FBLIM1: variants seen among roughly 807,000 people sequenced by gnomAD.
FBLIM1 encodes the protein filamin-binding LIM protein 1.
In FBLIM1, 29 loss-of-function variants were observed where a neutral mutation model predicts 37.4. The observed-to-expected ratio is 0.77, with a 90% confidence interval of 0.58 to 1.06. FBLIM1 has a LOEUF of 1.06. FBLIM1 is among the 50% of genes least tolerant of loss of function. The probability of loss-of-function intolerance (pLI) is 0.00; values close to 1 mark genes in which losing one functional copy is unlikely to be tolerated. For missense variants in FBLIM1, 449 were observed against 505.6 expected (o/e 0.89, Z 1.07); for synonymous variants, 193 against 199.0 (o/e 0.97, Z 0.25).
intron 6 of FBLIM1, among the ~76,000 whole-genome samples, chr1:15,772,955 T>A (rs1398458287): frequency 6.6e-6 from 1 of 151,988 alleles, no homozygotes; most frequent in Non-Finnish European, 1.5e-5. Context: ...CGGCTATTTT[T>A]TGTATTTTTA....
At chr1:15,782,210 G>A (rs1324957783) in intron 8 of FBLIM1, among the ~76,000 whole-genome samples, 3 of 151,536 alleles carry the variant, frequency 2.0e-5, no homozygotes, top group Non-Finnish European at 2.9e-5. Flanking sequence ...CCAGGAGTTC[G>A]AAGCCAGCCT....
In FBLIM1 at chr1:15,768,605, A is replaced by C. The variant is rs763288094; in HGVS notation, c.516A>C (p.Glu172Asp). The change falls in exon 5 of 9, where the codon GAA becomes GAC. Residue 172 changes from glutamate to aspartate, a missense_variant. Coordinates refer to ENST00000375766, the MANE Select transcript of FBLIM1 (RefSeq NM_017556.4). ...AAGAGCTGCCACCTCCCCCGGCAGA[A>C]CCTGTTGAGAAAGGGGCATCCACAG... ...MEEELPPPPA[E>D]PVEKGASTDI... The C allele has an allele frequency of 2.5e-6, 4 of 1,612,002 alleles. No individual in the cohort carries two copies. The highest frequency in any genetic ancestry group is 3.4e-6 in the Non-Finnish European group (4 of 1,179,476).
chr1:15,770,090 G>C (rs1345581547), intron 5 of FBLIM1, among the ~76,000 whole-genome samples: 1 of 151,798 alleles, frequency 6.6e-6, no homozygotes, highest in East Asian at 1.9e-4. Context: ...GGGACTACGG[G>C]GGCATGCCAC....
chr1:15,768,633 A>C lies in FBLIM1; in HGVS notation c.541+3A>C. The C allele has an allele frequency of 6.2e-7, 1 of 1,607,080 alleles. No homozygotes were observed. On this transcript the variant is annotated splice_donor_region_variant and intron_variant, in intron 5 of 8. Coordinates refer to ENST00000375766, the MANE Select transcript of FBLIM1 (RefSeq NM_017556.4). ...TGTTGAGAAAGGGGCATCCACAGGTAGGTGCACAGGGCTGAGAGGATACTG... is the reference window on the plus strand; with the variant it reads ...TGTTGAGAAAGGGGCATCCACAGGTCGGTGCACAGGGCTGAGAGGATACTG...
At position 15,774,662 on chromosome 1, in the gene FBLIM1, C is replaced by T. The variant is rs571523727; in HGVS notation, c.756C>T (p.Asp252=). 56 of 1,614,078 alleles carry T rather than the reference C, an allele frequency of 3.5e-5. No homozygotes were observed. In the South Asian group the frequency reaches 5.7e-4, roughly 16 times the overall value. The change falls in exon 7 of 9, where the codon GAC becomes GAT. Residue 252 remains aspartate (D), a synonymous_variant. Transcript: ENST00000375766. ...RCGKCGEVVR[D]HIIRALGQAF... ...GCAAGTGTGGCGAGGTGGTCCGGGA[C>T]CACATCATCAGGGCCCTGGGCCAGG...
intron 8 of FBLIM1, among the ~76,000 whole-genome samples, chr1:15,784,179 A>G (rs1331108122): frequency 6.6e-6 from 1 of 152,208 alleles, no homozygotes; most frequent in African/African-American, 2.4e-5. Context: ...AGACTGTCTC[A>G]AAATAAATAA....
chr1:15,783,863 T>G (rs1344347317), intron 8 of FBLIM1, among the ~76,000 whole-genome samples: 1 of 152,096 alleles, frequency 6.6e-6, no homozygotes, highest in East Asian at 1.9e-4. Flanking sequence ...ATTATAGGCG[T>G]GAACCACCGC....
chr1:15,763,630 C>T (rs572601758), intron 1 of FBLIM1, among the ~76,000 whole-genome samples: 19 of 151,606 alleles, frequency 1.3e-4, no homozygotes, highest in African/African-American at 1.9e-4. Flanking sequence ...AGCAAGATTC[C>T]GTCTCAAAAA....
Position 15,768,596 on chromosome 1 carries a change from C to T in FBLIM1, c.507C>T (p.Pro169=), listed in dbSNP as rs771785227. The part of the protein sequence containing the change: ...LRPMEEELPP[P]PAEPVEKGAS... ...CCATGGAGGAAGAGCTGCCACCTCC[C>T]CCGGCAGAACCTGTTGAGAAAGGGG... Residue 169 remains proline, a synonymous_variant, in exon 5 of 9, where the codon CCC becomes CCT. Transcript: ENST00000375766. 1.2e-6 allele frequency: 2 copies of T among 1,612,206 alleles called. No individual in the cohort carries two copies. Among genetic ancestry groups the T allele is most frequent in the East Asian group, 2.2e-5 (1 of 44,654 alleles).
chr1:15,774,832 G>T lies in FBLIM1; in HGVS notation c.890+36G>T, dbSNP rs200361868. 137 of 1,613,952 alleles carry T rather than the reference G, an allele frequency of 8.5e-5. No individual in the cohort carries two copies. The highest frequency in any genetic ancestry group is 8.3e-5 in the Non-Finnish European group (98 of 1,179,874). Reference sequence around the variant, plus strand: ...GGTTTGTGCACTGGGTGGGGTGCAGGGACAGGGCGAGACCCAAGCAGGGTG... The same window carrying T: ...GGTTTGTGCACTGGGTGGGGTGCAGTGACAGGGCGAGACCCAAGCAGGGTG... On this transcript the variant is annotated intron_variant, in intron 7 of 8. Transcript: ENST00000375766.
Position 15,774,684 on chromosome 1 carries a change from C to A in FBLIM1, c.778C>A (p.Gln260Lys), listed in dbSNP as rs151221331. Residue 260 changes from glutamine to lysine, a missense_variant, in exon 7 of 9, where the codon CAG (glutamine) becomes AAG (lysine). Gln to Lys is a moderately conservative substitution (Grantham distance 53). Coordinates refer to ENST00000375766, the MANE Select transcript of FBLIM1 (RefSeq NM_017556.4). ...GGACCACATCATCAGGGCCCTGGGCCAGGCCTTCCACCCCTCCTGCTTCAC... is the reference window on the plus strand; with the variant it reads ...GGACCACATCATCAGGGCCCTGGGCAAGGCCTTCCACCCCTCCTGCTTCAC... ...VRDHIIRALG[Q>K]AFHPSCFTCV... 1.9e-6 allele frequency: 3 copies of A among 1,614,058 alleles called. No individual in the cohort carries two copies. In the African/African-American group the frequency reaches 4.0e-5, roughly 22 times the overall value.
intron 3 of FBLIM1, among the ~76,000 whole-genome samples, chr1:15,766,743 C>A (rs2068942236): frequency 6.6e-6 from 1 of 151,358 alleles, no homozygotes; most frequent in South Asian, 2.1e-4. Context: ...TACAGGCATG[C>A]CCACCACGCC....
chr1:15,786,363 G>T lies in FBLIM1; in HGVS notation c.*1702G>T, dbSNP rs1231277287. On this transcript the variant is annotated 3_prime_UTR_variant, in exon 9 of 9. Coordinates refer to ENST00000375766, the MANE Select transcript of FBLIM1 (RefSeq NM_017556.4). ...CCCAGACCACAGCGTCTTGCCCTGA[G>T]CCTAGAGCAGGGAGTCCCGAACTTC... 1 of 152,180 alleles carries T rather than the reference G, an allele frequency of 6.6e-6. No homozygotes were observed. The highest frequency in any genetic ancestry group is 1.5e-5 in the Non-Finnish European group (1 of 68,062). The allele number at this position is 152,180 out of a possible 1,614,324, so 9.4% of individuals were successfully genotyped here.
intron 6 of FBLIM1, among the ~76,000 whole-genome samples, chr1:15,773,992 G>A (rs557860590): frequency 7.2e-5 from 11 of 152,044 alleles, no homozygotes; most frequent in South Asian, 2.1e-4. Context: ...AAAATTAGCC[G>A]GGCGTGGTGG....
At position 15,765,154 on chromosome 1, in the gene FBLIM1, G is replaced by A. The variant is rs767469745; in HGVS notation, c.171G>A (p.Ala57=). 9.3e-6 allele frequency: 15 copies of A among 1,613,626 alleles called. 1 individual carries two copies. The highest frequency in any genetic ancestry group is 4.4e-5 in the South Asian group (4 of 91,076). Reference sequence around the variant, plus strand: ...TGAAGACACCCGAGGCTGGCTTGGCGGGGAGGCCCAGCCCCTGGACAACCC... The same window carrying A: ...TGAAGACACCCGAGGCTGGCTTGGCAGGGAGGCCCAGCCCCTGGACAACCC... ...APMKTPEAGL[A]GRPSPWTTPG... Residue 57 remains alanine, a synonymous_variant, in exon 3 of 9, where the codon GCG becomes GCA. Coordinates refer to ENST00000375766, the MANE Select transcript of FBLIM1 (RefSeq NM_017556.4). This position sits in a 1 kb window ranked among gnomAD's most constrained non-coding sequence, Gnocchi z 5.9.
In FBLIM1 at chr1:15,782,119, A is replaced by G. The variant is rs563478524; in HGVS notation, c.1009-2429A>G. ...ATGGGATTTATTGTCCCCATTTCAC[A>G]TGGGGAAACTGGTGGGGTGTGGTGG... On this transcript the variant is annotated intron_variant, in intron 8 of 8. Transcript: ENST00000375766. 3.3e-5 allele frequency among the ~76,000 whole-genome samples: 5 copies of G among 151,626 alleles called. No homozygotes were observed. In the East Asian group the frequency reaches 9.8e-4, roughly 30 times the overall value.
intron 8 of FBLIM1, among the ~76,000 whole-genome samples, chr1:15,783,493 T>TCAGCAGATACC (rs1033205192): frequency 6.6e-6 from 1 of 151,220 alleles, no homozygotes; most frequent in African/African-American, 2.4e-5. Context: ...CAGGCACTCA[T>TCAGCAGATACC]CAGCAGATAC....
At position 15,765,242 on chromosome 1, in the gene FBLIM1, T is replaced by G; in HGVS notation, c.250+9T>G. 1 of 1,598,670 alleles carries G rather than the reference T, an allele frequency of 6.3e-7. No homozygotes were observed. Among genetic ancestry groups the G allele is most frequent in the Non-Finnish European group, 8.6e-7 (1 of 1,169,394 alleles). ...GCAGCTCTTCAATGGAGGTAAGAGC[T>G]GAGGGGACTTTGGGGAAGACCACGT... On this transcript the variant is annotated intron_variant, in intron 3 of 8. Transcript: ENST00000375766. This position sits in a 1 kb window ranked among gnomAD's most constrained non-coding sequence, Gnocchi z 5.9.
chr1:15,767,664 T>TC, intron 4 of FBLIM1, 101 bp downstream of exon 4: 1 of 520,286 alleles, frequency 1.9e-6, no homozygotes, highest in African/African-American at 2.0e-5. Context: ...AACCTGGACT[T>TC]TGTCTGGTGC....
Sources: allele counts gnomAD v4.1 joint callset (sites outside exome capture counted in the v4.1 genomes callset), GRCh38; gene constraint gnomAD v4.1.1; non-coding constraint Gnocchi (gnomAD v3.1); transcripts MANE v1.5; gene names NCBI Gene and HGNC (gene_info 2026-07-23, HGNC 2026-07-21).